NXPE4: variants seen among roughly 807,000 people sequenced by gnomAD.
The protein encoded by NXPE4 is NXPE family member 4.
Under a neutral mutation model 33.3 loss-of-function variants are expected in NXPE4, and 42 were observed. The ratio of observed to expected loss-of-function variants is 1.26; its 90% CI spans 0.98 to 1.63. The LOEUF is 1.63. Among genes scored for constraint, NXPE4 ranks in the 40% most tolerant of loss-of-function variants. NXPE4 has a pLI of 0.00. For missense variants in NXPE4, 709 were observed against 647.6 expected (o/e 1.09, Z -1.03); for synonymous variants, 253 against 234.9 (o/e 1.08, Z -0.71).
intron 5 of NXPE4, among the ~76,000 whole-genome samples, chr11:114,573,208 CT>C (rs1348839200): frequency 6.6e-6 from 1 of 152,110 alleles, no homozygotes; most frequent in African/African-American, 2.4e-5. Context: ...AAAAGGAGCT[CT>C]AAATCTTGAA....
the NXPE4 span, among the ~76,000 whole-genome samples, chr11:114,660,619 G>A: frequency 4.0e-5 from 6 of 151,884 alleles, no homozygotes; most frequent in African/African-American, 7.3e-5. Context: ...TTCTTAACTC[G>A]ATAAAGGCAT....
At chr11:114,584,439 G>A (rs1215359624) in intron 2 of NXPE4, 2 of 221,136 alleles carry the variant, frequency 9.0e-6, no homozygotes, top group East Asian at 2.9e-4. Flanking sequence ...GGGTGGCGAT[G>A]AGAATGAAGA....
At position 114,571,127 on chromosome 11, in the gene NXPE4, A is replaced by G; in HGVS notation, c.1446T>C (p.Asn482=). ...GAAAGTCACTAAATCTTTCTGCATC[A>G]TTGTACATCTCCCTGATGTTTTCTG... ...IKTENIREMY[N]DAERFSDFHG... is the part of the protein sequence containing the mutation. Residue 482 remains asparagine, a synonymous_variant, in exon 6 of 6, where the codon AAT becomes AAC. Transcript: ENST00000375478. 1 of 1,613,980 alleles carries G rather than the reference A, an allele frequency of 6.2e-7. No individual in the cohort carries two copies. The highest frequency in any genetic ancestry group is 8.5e-7 in the Non-Finnish European group (1 of 1,179,920).
chr11:114,638,122 T>G, the NXPE4 span, among the ~76,000 whole-genome samples: 2 of 151,790 alleles, frequency 1.3e-5, no homozygotes, highest in Non-Finnish European at 2.9e-5. Flanking sequence ...AGATTTGGTC[T>G]TGTCACATAG....
chr11:114,591,625 A>G (rs1173210176), intron 2 of NXPE4, among the ~76,000 whole-genome samples: 15 of 152,210 alleles, frequency 9.9e-5, no homozygotes, highest in Admixed American at 9.8e-4. Context: ...TATACTTTCC[A>G]GCCCTCAGGA....
Position 114,595,726 on chromosome 11 carries a change from C to G in NXPE4, c.-145G>C, listed in dbSNP as rs1200977461. Reference sequence around the variant, plus strand: ...CAAAATAAATTGCAGATATAAGTTGCAGTTTGTTTACCTTTAGCATGGATT... The same window carrying G: ...CAAAATAAATTGCAGATATAAGTTGGAGTTTGTTTACCTTTAGCATGGATT... On this transcript the variant is annotated 5_prime_UTR_variant, in exon 1 of 6. Coordinates refer to ENST00000375478, the MANE Select transcript of NXPE4 (RefSeq NM_001077639.2). The G allele has an allele frequency of 6.6e-6, 1 of 152,284 alleles. No homozygotes were observed. Among genetic ancestry groups the G allele is most frequent in the Non-Finnish European group, 1.5e-5 (1 of 68,036 alleles). 9.4% of individuals were successfully genotyped at this position (152,284 alleles called of 1,614,324 possible). A position where few individuals can be genotyped will look rare whatever the true frequency, so the allele number is the denominator to read the frequency against.
At chr11:114,615,279 CACTG>C in the NXPE4 span, among the ~76,000 whole-genome samples, 1 of 152,056 alleles carries the variant, frequency 6.6e-6, no homozygotes, top group African/African-American at 2.4e-5. Context: ...TGTGGGTATC[CACTG>C]TTACCTGGTG....
intron 2 of NXPE4, among the ~76,000 whole-genome samples, chr11:114,594,378 TC>T (rs1388816119): frequency 4.6e-5 from 7 of 152,180 alleles, no homozygotes; most frequent in Admixed American, 4.6e-4. Flanking sequence ...GATATTCTGT[TC>T]TTCAGATGTT....
chr11:114,637,477 T>C, the NXPE4 span, among the ~76,000 whole-genome samples: 12 of 151,794 alleles, frequency 7.9e-5, no homozygotes, highest in East Asian at 1.4e-3. Context: ...AAAGTTAATA[T>C]TGTTATGTGT....
intron 5 of NXPE4, among the ~76,000 whole-genome samples, chr11:114,576,256 T>C (rs1168782547): frequency 6.6e-6 from 1 of 151,986 alleles, no homozygotes; most frequent in Non-Finnish European, 1.5e-5. Context: ...TTCTAGAAGA[T>C]AACATTAGAA....
At chr11:114,627,992 C>A in the NXPE4 span, among the ~76,000 whole-genome samples, 1 of 151,754 alleles carries the variant, frequency 6.6e-6, no homozygotes, top group African/African-American at 2.4e-5. Context: ...TATATGGACC[C>A]AACACAGGAG....
chr11:114,642,068 A>G, the NXPE4 span, among the ~76,000 whole-genome samples: 2 of 152,102 alleles, frequency 1.3e-5, no homozygotes, highest in Non-Finnish European at 2.9e-5. Flanking sequence ...CAGCATGGAA[A>G]AGGAGAAAGA....
chr11:114,574,740 C>T (rs1176687919), intron 5 of NXPE4, among the ~76,000 whole-genome samples: 1 of 151,984 alleles, frequency 6.6e-6, no homozygotes, highest in Non-Finnish European at 1.5e-5. Flanking sequence ...GATAGATTCA[C>T]AGCTGATTTC....
the NXPE4 span, among the ~76,000 whole-genome samples, chr11:114,638,129 A>T: frequency 1.3e-5 from 2 of 150,818 alleles, no homozygotes; most frequent in African/African-American, 2.4e-5. Flanking sequence ...GTCTTGTCAC[A>T]TAGTCCCATA....
the NXPE4 span, among the ~76,000 whole-genome samples, chr11:114,650,645 G>C: frequency 6.6e-6 from 1 of 152,174 alleles, no homozygotes; most frequent in South Asian, 2.1e-4. Flanking sequence ...GCAGGAAGCT[G>C]TCTTGGACCC....
the NXPE4 span, among the ~76,000 whole-genome samples, chr11:114,636,335 C>G: frequency 6.6e-6 from 1 of 151,938 alleles, no homozygotes; most frequent in African/African-American, 2.4e-5. Flanking sequence ...TTTATTGCGT[C>G]TATTTGATTC....
chr11:114,590,786 T>A (rs563210936), intron 2 of NXPE4, among the ~76,000 whole-genome samples: 1 of 152,238 alleles, frequency 6.6e-6, no homozygotes, highest in Non-Finnish European at 1.5e-5. Flanking sequence ...CTACTGGTAC[T>A]GGAGGTCATC....
At chr11:114,665,067 C>T in the NXPE4 span, among the ~76,000 whole-genome samples, 1 of 152,138 alleles carries the variant, frequency 6.6e-6, no homozygotes. Flanking sequence ...TACACAGCAT[C>T]ACTATTATCT....
the NXPE4 span, among the ~76,000 whole-genome samples, chr11:114,633,771 A>G: frequency 6.6e-6 from 1 of 151,968 alleles, no homozygotes; most frequent in East Asian, 1.9e-4. Context: ...AATTTCATCC[A>G]TGTCCCTAGA....
Sources: allele counts gnomAD v4.1 joint callset (sites outside exome capture counted in the v4.1 genomes callset), GRCh38; gene constraint gnomAD v4.1.1; transcripts MANE v1.5; gene names NCBI Gene and HGNC (gene_info 2026-07-23, HGNC 2026-07-21).